Variants in WBP11 observed in about 807,000 individuals in gnomAD.
WBP11 encodes the protein WW domain binding protein 11, also known as WW domain-binding protein 11.
WBP11 carries 12 observed loss-of-function variants against 66.7 expected under a neutral mutation model. That is an observed-to-expected ratio of 0.18 (90% confidence interval 0.12 to 0.29). The LOEUF is 0.29. WBP11 is among the 10% of genes least tolerant of loss of function. WBP11 has a pLI of 1.00. For missense variants in WBP11, 555 were observed against 818.3 expected (o/e 0.68, Z 3.93); for synonymous variants, 255 against 273.8 (o/e 0.93, Z 0.68).
At chr12:14,791,763 TAAAGAA>T (rs1213324158) in intron 8 of WBP11, among the ~76,000 whole-genome samples, 3 of 152,148 alleles carry the variant, frequency 2.0e-5, no homozygotes, top group Non-Finnish European at 2.9e-5. Flanking sequence ...AACCAGTGGT[TAAAGAA>T]AATGTGGTAT....
At chr12:14,793,401 A>C (rs1464632769) in intron 8 of WBP11, among the ~76,000 whole-genome samples, 1 of 152,136 alleles carries the variant, frequency 6.6e-6, no homozygotes, top group Admixed American at 6.5e-5. Context: ...ATACAACATC[A>C]ATGTTTTTCT....
chr12:14,790,916 T>C (rs763202452), intron 9 of WBP11, among the ~76,000 whole-genome samples, 167 bp from the exon 10 acceptor site: 1 of 152,250 alleles, frequency 6.6e-6, no homozygotes, highest in Non-Finnish European at 1.5e-5. Flanking sequence ...ATTCTACTTA[T>C]CTATGTTAAT....
At position 14,796,765 on chromosome 12, in the gene WBP11, A is replaced by C. The variant is rs912544279; in HGVS notation, c.387+42T>G. The C allele has an allele frequency of 6.4e-7, 1 of 1,553,138 alleles. No individual in the cohort carries two copies. Among genetic ancestry groups the C allele is most frequent in the Admixed American group, 2.1e-5 (1 of 46,650 alleles). ...TTTGCATAAGGGATACTCAATCTGTATAATATTTTAGTTTATCTCTCAAAA... is the reference window on the plus strand; with the variant it reads ...TTTGCATAAGGGATACTCAATCTGTCTAATATTTTAGTTTATCTCTCAAAA... On this transcript the variant is annotated intron_variant, in intron 5 of 11. Transcript: ENST00000261167. This position sits in a 1 kb window ranked among gnomAD's most constrained non-coding sequence, Gnocchi z 4.5.
intron 9 of WBP11, 61 bp downstream of exon 9, chr12:14,791,108 T>C (rs1400104881): frequency 1.1e-5 from 16 of 1,490,838 alleles, no homozygotes; most frequent in South Asian, 2.3e-5. Context: ...GAAAAACGTA[T>C]GTAAAGTAAT....
intron 10 of WBP11, among the ~76,000 whole-genome samples, chr12:14,789,370 G>T (rs1038438918): frequency 2.6e-5 from 4 of 151,640 alleles, no homozygotes; most frequent in African/African-American, 7.3e-5. Context: ...GGATCACAAG[G>T]TCAGGAGTTC....
chr12:14,797,792 C>T (rs1449109508), intron 4 of WBP11, among the ~76,000 whole-genome samples: 2 of 152,208 alleles, frequency 1.3e-5, no homozygotes, highest in Admixed American at 6.5e-5. Flanking sequence ...CCTAGAGCTG[C>T]CTGTGGCCTT....
rs549490111 is a variant in WBP11, at chr12:14,795,045, G to A, written c.447C>T (p.Ser149=). 13 of 1,613,010 alleles carry A rather than the reference G, an allele frequency of 8.1e-6. No homozygotes were observed. Among genetic ancestry groups the A allele is most frequent in the Admixed American group, 1.7e-5 (1 of 59,988 alleles). ...IPLPDMPHAP[S]NILIQDIPLP... The stretch of plus-strand genomic sequence containing the variant: ...GTGGAATGTCCTGGATCAAAATGTT[G>A]GAAGGAGCATGTGGCATATCTGGCA... The change falls in exon 6 of 12, where the codon TCC becomes TCT. Residue 149 remains serine (S), a synonymous_variant. Transcript: ENST00000261167.
chr12:14,787,178 C>A lies in WBP11; in HGVS notation c.1813G>T (p.Ala605Ser). Residue 605 changes from alanine to serine, a missense_variant, in exon 12 of 12, where the codon GCT (alanine) becomes TCT (serine). Coordinates refer to ENST00000261167, the MANE Select transcript of WBP11 (RefSeq NM_016312.3). ...APQRKSEDDS[A>S]VPLAKAAPKS... Reference sequence around the variant, plus strand: ...GGTGCTGCTTTGGCAAGAGGCACAGCAGAATCATCCTCTGACTTTCTTTGG... The same window carrying A: ...GGTGCTGCTTTGGCAAGAGGCACAGAAGAATCATCCTCTGACTTTCTTTGG... 1 of 1,613,914 alleles carries A rather than the reference C, an allele frequency of 6.2e-7. No homozygotes were observed.
Position 14,801,309 on chromosome 12 carries a change from T to C in WBP11, c.64+11A>G, listed in dbSNP as rs1309860984. 1 of 1,612,976 alleles carries C rather than the reference T, an allele frequency of 6.2e-7. No individual in the cohort carries two copies. Among genetic ancestry groups the C allele is most frequent in the Non-Finnish European group, 8.5e-7 (1 of 1,179,242 alleles). ...CTCCTACTTCATCATTCCACACTAATGGACACTTACGGGCTTGGTCTGTGG... is the reference window on the plus strand; with the variant it reads ...CTCCTACTTCATCATTCCACACTAACGGACACTTACGGGCTTGGTCTGTGG... On this transcript the variant is annotated intron_variant, in intron 2 of 11. Coordinates refer to ENST00000261167, the MANE Select transcript of WBP11 (RefSeq NM_016312.3).
Position 14,791,228 on chromosome 12 carries a change from T to C in WBP11, c.956A>G (p.Lys319Arg). The C allele has an allele frequency of 6.2e-7, 1 of 1,614,150 alleles. No homozygotes were observed. Among genetic ancestry groups the C allele is most frequent in the Non-Finnish European group, 8.5e-7 (1 of 1,180,012 alleles). ...CAGTTCCTTCATGTTCTTCTTTTTC[T>C]TCCTTGATTTTCCAGGCATATCTGC... is the stretch of plus-strand genomic sequence containing the variant. ...RFADMPGKSRKKKKNMKELTP... is the reference protein window; with the variant it reads ...RFADMPGKSRRKKKNMKELTP... The change falls in exon 9 of 12, where the codon AAG becomes AGG. Residue 319 changes from lysine (K) to arginine (R), a missense_variant. This residue lies in a region of WBP11 where 220 missense variants were observed against 268.2 expected (regional missense o/e 0.82). Transcript: ENST00000261167.
At chr12:14,800,199 A>G (rs1284907862) in intron 3 of WBP11, among the ~76,000 whole-genome samples, 1 of 152,142 alleles carries the variant, frequency 6.6e-6, no homozygotes, top group Non-Finnish European at 1.5e-5. Context: ...TGTTGCTTCA[A>G]TGTATTATAC....
intron 1 of WBP11, among the ~76,000 whole-genome samples, chr12:14,803,045 C>T (rs755340870): frequency 1.3e-5 from 2 of 152,186 alleles, no homozygotes; most frequent in Non-Finnish European, 2.9e-5. Flanking sequence ...AAGGAGGCAA[C>T]ACCAGCAACT....
chr12:14,794,041 A>ACC, intron 7 of WBP11, 119 bp from the exon 8 acceptor site: 1 of 609,928 alleles, frequency 1.6e-6, no homozygotes, highest in Non-Finnish European at 2.4e-6. Context: ...ATTCTTACCA[A>ACC]AAAAAAAAAA....
chr12:14,794,500 T>C, intron 7 of WBP11, 37 bp downstream of exon 7: 1 of 1,608,992 alleles, frequency 6.2e-7, no homozygotes, highest in African/African-American at 1.3e-5. Flanking sequence ...ACATAAAAAA[T>C]GATAGTTATA....
Position 14,787,206 on chromosome 12 carries a change from A to G in WBP11, c.1785T>C (p.Ala595=). 1 of 1,614,082 alleles carries G rather than the reference A, an allele frequency of 6.2e-7. No individual in the cohort carries two copies. Among genetic ancestry groups the G allele is most frequent in the Non-Finnish European group, 8.5e-7 (1 of 1,180,026 alleles). ...AATCATCCTCTGACTTTCTTTGGGG[A>G]GCAGCAGTAGCCCCTTTATTCTCCC... The part of the protein sequence containing the change: ...VRRENKGATA[A]PQRKSEDDSA... The change falls in exon 12 of 12, where the codon GCT becomes GCC. Residue 595 remains alanine (A), a synonymous_variant. Transcript: ENST00000261167.
chr12:14,796,798 C>A lies in WBP11; in HGVS notation c.387+9G>T. On this transcript the variant is annotated intron_variant, in intron 5 of 11. Transcript: ENST00000261167. The surrounding 1 kb of genome is among the most constrained non-coding windows in gnomAD (Gnocchi z 4.5). ...TTAGTTTATCTCTCAAAAAAAAAAC[C>A]TTGATTACCTTGACAGCATCAAAAT... is the stretch of plus-strand genomic sequence containing the variant. The A allele has an allele frequency of 6.4e-7, 1 of 1,574,388 alleles. No homozygotes were observed. The highest frequency in any genetic ancestry group is 8.6e-7 in the Non-Finnish European group (1 of 1,169,090).
At position 14,787,233 on chromosome 12, in the gene WBP11, A is replaced by T. The variant is rs1297583529; in HGVS notation, c.1758T>A (p.Arg586=). The T allele has an allele frequency of 6.2e-7, 1 of 1,614,058 alleles. No individual in the cohort carries two copies. The highest frequency in any genetic ancestry group is 8.5e-7 in the Non-Finnish European group (1 of 1,180,038). The part of the protein sequence containing the change: ...TRFVPTALRV[R]RENKGATAAP... ...CAGCAGTAGCCCCTTTATTCTCCCG[A>T]CGTACTCTCAGTGCAGTGGGCACAA... Residue 586 remains arginine (R), a synonymous_variant, in exon 12 of 12, where the codon CGT becomes CGA. Transcript: ENST00000261167.
In WBP11 at chr12:14,786,332, A is replaced by T. The variant is rs539213580; in HGVS notation, c.*733T>A. ...TACTCCTTTTTATCCCTTAAAATTT[A>T]AAATGTAGTTTTTACCATGTTTTCA... On this transcript the variant is annotated 3_prime_UTR_variant, in exon 12 of 12. Transcript: ENST00000261167. 132 of 152,326 alleles carry T rather than the reference A, an allele frequency of 8.7e-4. 1 individual carries two copies. The highest frequency in any genetic ancestry group is 2.8e-3 in the African/African-American group (118 of 41,580). 9.4% of individuals were successfully genotyped at this position (152,326 alleles called of 1,614,324 possible).
rs1284823578 is a variant in WBP11 at position 14,803,401 on chromosome 12, C to T, written c.-95G>A. On this transcript the variant is annotated 5_prime_UTR_variant, in exon 1 of 12. Transcript: ENST00000261167. ...CGAGAAGCGGGTAGGGGGCGACTCC[C>T]GGCCTCTTTCACTTCGTAAAGGCCT... The T allele has an allele frequency of 1.5e-5, 6 of 398,616 alleles. No individual in the cohort carries two copies. Among genetic ancestry groups the T allele is most frequent in the African/African-American group, 1.2e-4 (6 of 48,648 alleles). The allele number at this position is 398,616 out of a possible 1,614,324, so 24.7% of individuals were successfully genotyped here.
Sources: allele counts gnomAD v4.1 joint callset (sites outside exome capture counted in the v4.1 genomes callset), GRCh38; gene constraint gnomAD v4.1.1; regional missense constraint gnomAD v4.1.1; non-coding constraint Gnocchi (gnomAD v3.1); transcripts MANE v1.5; gene names NCBI Gene and HGNC (gene_info 2026-07-23, HGNC 2026-07-21).